Variants in HOOK2 observed in about 807,000 individuals in gnomAD.
HOOK2 encodes hook microtubule tethering protein 2, also known as protein Hook homolog 2.
HOOK2 carries 108 observed loss-of-function variants against 111.9 expected under a neutral mutation model. The observed-to-expected ratio is 0.96, with a 90% confidence interval of 0.83 to 1.13. The LOEUF (loss-of-function observed/expected upper bound fraction) is 1.13, where lower values mean the gene tolerates loss of function less well. HOOK2 is among the 50% of genes most tolerant of loss of function. The pLI, the probability that HOOK2 is intolerant of heterozygous loss-of-function variation, is 0.00. For missense variants in HOOK2, 978 were observed against 951.3 expected, an observed-to-expected ratio of 1.03 and a Z score of -0.37; for synonymous variants, 405 against 394.3, an observed-to-expected ratio of 1.03 and a Z score of -0.32.
In HOOK2 at chr19:12,768,127, AAC is replaced by A; in HGVS notation, c.1105-6_1105-5del. 1 of 1,613,100 alleles carries A rather than the reference AAC, an allele frequency of 6.2e-7. No individual in the cohort carries two copies. The highest frequency in any genetic ancestry group is 1.3e-5 in the African/African-American group (1 of 75,060). On this transcript the variant is annotated splice_region_variant and splice_polypyrimidine_tract_variant and intron_variant, in intron 11 of 22. Coordinates refer to ENST00000397668, the MANE Select transcript of HOOK2 (RefSeq NM_013312.3). ...GCTGGCCCTGCAGTTCCTGCACCTG[AAC>A]ACAGAGAGGGGAGGAATAAGGACAG...
In HOOK2 at chr19:12,791,710, C is replaced by G; in HGVS notation, n.42-17485G>C. 1 of 1,277,588 alleles carries G rather than the reference C, an allele frequency of 7.8e-7. No homozygotes were observed. Among genetic ancestry groups the G allele is most frequent in the East Asian group, 2.5e-5 (1 of 40,788 alleles). The allele number at this position is 1,277,588 out of a possible 1,614,324, so 79.1% of individuals were successfully genotyped here. ...TCACCGCAGCGGAGAGCTCGCCGCT[C>G]GCTGCAGCGAGGCCCGGAGCGGCCC... is the stretch of plus-strand genomic sequence containing the variant. On this transcript the variant is annotated intron_variant and non_coding_transcript_variant, in intron 3 of 3. Transcript: ENST00000589765. The surrounding 1 kb of genome is among the most constrained non-coding windows in gnomAD (Gnocchi z 7.0).
rs1314598260 is a variant in HOOK2, at chr19:12,771,215, G to C, written c.705C>G (p.Ala235=). 3 of 1,612,218 alleles carry C rather than the reference G, an allele frequency of 1.9e-6. No individual in the cohort carries two copies. The East Asian group carries it at 6.7e-5, about 36-fold the overall frequency. The change falls in exon 9 of 23, where the codon GCC becomes GCG. Residue 235 remains alanine (A), a synonymous_variant. Coordinates refer to ENST00000397668, the MANE Select transcript of HOOK2 (RefSeq NM_013312.3). ...PEGEGTPGLT[A]KKLLLLQSQL... Reference sequence around the variant, plus strand: ...GGGATTGCAGCAGCAGCAGCTTCTTGGCAGTGAGACCTGGGGTACCCTCGC... The same window carrying C: ...GGGATTGCAGCAGCAGCAGCTTCTTCGCAGTGAGACCTGGGGTACCCTCGC...
chr19:12,772,337 C>T, intron 6 of HOOK2, 85 bp from the exon 7 acceptor site: 1 of 1,445,584 alleles, frequency 6.9e-7, no homozygotes, highest in Non-Finnish European at 9.7e-7. Flanking sequence ...GAGAACCTCT[C>T]CATCCTCCCG....
At chr19:12,775,342 G>A in intron 1 of HOOK2, 63 bp downstream of exon 1, 3 of 1,583,746 alleles carry the variant, frequency 1.9e-6, no homozygotes, top group Middle Eastern at 1.7e-4. Flanking sequence ...CCGAACCAGG[G>A]CCAGGGATCC....
Position 12,763,225 on chromosome 19 carries a change from G to A in HOOK2, c.*57C>T. Reference sequence around the variant, plus strand: ...GCTGAAGCCCAGTGCTGGGCGCCATGTGAGCTGGAGGAAGCCAGGGTGGGT... The same window carrying A: ...GCTGAAGCCCAGTGCTGGGCGCCATATGAGCTGGAGGAAGCCAGGGTGGGT... On this transcript the variant is annotated 3_prime_UTR_variant, in exon 23 of 23. Coordinates refer to ENST00000397668, the MANE Select transcript of HOOK2 (RefSeq NM_013312.3). 1 of 1,577,260 alleles carries A rather than the reference G, an allele frequency of 6.3e-7. No homozygotes were observed. The highest frequency in any genetic ancestry group is 2.3e-5 in the East Asian group (1 of 44,212).
rs1240956532 is a variant in HOOK2 at position 12,791,328 on chromosome 19, A to G, written n.42-17103T>C. On this transcript the variant is annotated intron_variant and non_coding_transcript_variant, in intron 3 of 3. Coordinates refer to the HOOK2 transcript ENST00000589765. This position sits in a 1 kb window ranked among gnomAD's most constrained non-coding sequence, Gnocchi z 7.0. ...ACCCGGCCCGTGGCCGCTGTTTACA[A>G]GGACACGCGCTTCCTGACAGTGACG... is the stretch of plus-strand genomic sequence containing the variant. 6.6e-6 allele frequency among the ~76,000 whole-genome samples: 1 copy of G among 152,164 alleles called. No homozygotes were observed. Among genetic ancestry groups the G allele is most frequent in the Non-Finnish European group, 1.5e-5 (1 of 68,018 alleles).
rs1434530418 is a variant in HOOK2 at position 12,790,313 on chromosome 19, T to A, written n.42-16088A>T. Among the ~76,000 whole-genome samples, 3 of 152,086 alleles carry A rather than the reference T, an allele frequency of 2.0e-5. No individual in the cohort carries two copies. Among genetic ancestry groups the A allele is most frequent in the Non-Finnish European group, 4.4e-5 (3 of 67,998 alleles). Reference sequence around the variant, plus strand: ...GTGACGGAGACAGGGCCGGGCTCCTTCCCCCGGGGCTGTTGCCACACTTCC... The same window carrying A: ...GTGACGGAGACAGGGCCGGGCTCCTACCCCCGGGGCTGTTGCCACACTTCC... On this transcript the variant is annotated intron_variant and non_coding_transcript_variant, in intron 3 of 3. Transcript: ENST00000589765. This position sits in a 1 kb window ranked among gnomAD's most constrained non-coding sequence, Gnocchi z 7.2.
At chr19:12,785,423 TACAC>T (rs1332655772) in intron 3 of HOOK2, among the ~76,000 whole-genome samples, 8 of 150,186 alleles carry the variant, frequency 5.3e-5, no homozygotes. Flanking sequence ...AGACCTCTTT[TACAC>T]ACACACAAAC....
rs1968710961 is a variant in HOOK2, at chr19:12,791,388, G to C, written n.42-17163C>G. 5.8e-6 allele frequency: 1 copy of C among 172,052 alleles called. No homozygotes were observed. Among genetic ancestry groups the C allele is most frequent in the Non-Finnish European group, 1.2e-5 (1 of 81,476 alleles). 10.7% of individuals were successfully genotyped at this position (172,052 alleles called of 1,614,324 possible). ...TCCTCCCCTTCCCCACGCTCGAGGA[G>C]GGGGGCGCGGGGGCCCGGCTCCGGC... On this transcript the variant is annotated intron_variant and non_coding_transcript_variant, in intron 3 of 3. Coordinates refer to the HOOK2 transcript ENST00000589765. This position sits in a 1 kb window ranked among gnomAD's most constrained non-coding sequence, Gnocchi z 7.0.
Position 12,769,905 on chromosome 19 carries a change from G to C in HOOK2, c.1080C>G (p.Ala360=). Residue 360 remains alanine, a synonymous_variant, in exon 11 of 23, where the codon GCC becomes GCG. Coordinates refer to ENST00000397668, the MANE Select transcript of HOOK2 (RefSeq NM_013312.3). Reference sequence around the variant, plus strand: ...CCTGCCGCCGCTGCGCCTCCAGCTGGGCGCGCAGGGAGCCCGCTCGGCGTA... The same window carrying C: ...CCTGCCGCCGCTGCGCCTCCAGCTGCGCGCGCAGGGAGCCCGCTCGGCGTA... The part of the protein sequence containing the change: ...DELRRAGSLR[A]QLEAQRRQVQ... The C allele has an allele frequency of 6.6e-7, 1 of 1,510,468 alleles. No individual in the cohort carries two copies. Among genetic ancestry groups the C allele is most frequent in the South Asian group, 1.2e-5 (1 of 80,686 alleles). 93.6% of individuals were successfully genotyped at this position (1,510,468 alleles called of 1,614,324 possible).
At chr19:12,764,651 C>A in intron 20 of HOOK2, 163 bp downstream of exon 20, 1 of 668,030 alleles carries the variant, frequency 1.5e-6, no homozygotes, top group African/African-American at 1.8e-5. Context: ...TTTAATGTGA[C>A]AATCAGTAGC....
In HOOK2 at chr19:12,791,015, C is replaced by T. The variant is rs1192155585; in HGVS notation, n.42-16790G>A. Among the ~76,000 whole-genome samples, 1 of 152,204 alleles carries T rather than the reference C, an allele frequency of 6.6e-6. No homozygotes were observed. Among genetic ancestry groups the T allele is most frequent in the Non-Finnish European group, 1.5e-5 (1 of 68,040 alleles). ...TCCTGGGTCAGGTGTCTCCTTAACC[C>T]TCCCGATTTACAGTGCTTAACCCTC... On this transcript the variant is annotated intron_variant and non_coding_transcript_variant, in intron 3 of 3. Transcript: ENST00000589765. The surrounding 1 kb of genome is among the most constrained non-coding windows in gnomAD (Gnocchi z 7.0).
intron 3 of HOOK2, chr19:12,792,293 C>G: frequency 1.3e-6 from 2 of 1,496,798 alleles, no homozygotes; most frequent in Non-Finnish European, 1.8e-6. Flanking sequence ...GCGTCTACGC[C>G]GGCCCGGAGC....
At chr19:12,767,359 T>C in intron 14 of HOOK2, 36 bp downstream of exon 14, 2 of 1,588,878 alleles carry the variant, frequency 1.3e-6, no homozygotes, top group South Asian at 2.2e-5. Flanking sequence ...TTGGCAAGCC[T>C]GGGTGGGGCC....
chr19:12,775,433 G>A lies in HOOK2; in HGVS notation c.17C>T (p.Ala6Val). MSVDK[A>V]ELCGSLLTWL... ...GGTGAGCAGAGACCCGCATAGCTCA[G>A]CTTTGTCCACGCTCATGGCTCCCGA... The change falls in exon 1 of 23, where the codon GCT becomes GTT. Residue 6 changes from alanine (A) to valine (V), a missense_variant. Physicochemically the swap from Ala to Val is moderately conservative, Grantham distance 64. This residue lies in a region of HOOK2 where 301 missense variants were observed against 286.1 expected (regional missense o/e 1.05). Coordinates refer to ENST00000397668, the MANE Select transcript of HOOK2 (RefSeq NM_013312.3). 1 of 1,612,786 alleles carries A rather than the reference G, an allele frequency of 6.2e-7. No individual in the cohort carries two copies. The highest frequency in any genetic ancestry group is 1.1e-5 in the South Asian group (1 of 90,940).
rs547595747 is a variant in HOOK2, at chr19:12,791,763, G to A, written n.42-17538C>T. 6.3e-6 allele frequency: 10 copies of A among 1,592,158 alleles called. No individual in the cohort carries two copies. The highest frequency in any genetic ancestry group is 6.9e-6 in the Non-Finnish European group (8 of 1,166,184). On this transcript the variant is annotated intron_variant and non_coding_transcript_variant, in intron 3 of 3. Transcript: ENST00000589765. The surrounding 1 kb of genome is among the most constrained non-coding windows in gnomAD (Gnocchi z 7.0). ...CAGGGACCCTCCCCAGACCGCCTGG[G>A]CCGCCCGGATGTGCACTAAAATGGA...
At chr19:12,780,607 C>T (rs367855073), upstream of HOOK2, among the ~76,000 whole-genome samples, 12 of 143,410 alleles carry the variant, frequency 8.4e-5, no homozygotes, top group Middle Eastern at 3.4e-3. Context: ...CCGCCCACCT[C>T]GGCCTCCCAA....
At position 12,792,158 on chromosome 19, in the gene HOOK2, C is replaced by T. The variant is rs766953956; in HGVS notation, n.42-17933G>A. 3.1e-6 allele frequency: 5 copies of T among 1,594,838 alleles called. No individual in the cohort carries two copies. In the South Asian group the frequency reaches 5.6e-5, roughly 18 times the overall value. On this transcript the variant is annotated intron_variant and non_coding_transcript_variant, in intron 3 of 3. Coordinates refer to the HOOK2 transcript ENST00000589765. ...CAGGGGGCGCAGGGGGCGGCGTCAC[C>T]GAGGAGCAGGAGGGCTTCGCCGACG...
At position 12,763,371 on chromosome 19, in the gene HOOK2, G is replaced by A; in HGVS notation, c.2071C>T (p.Leu691=). Residue 691 remains leucine (L), a synonymous_variant, in exon 23 of 23, where the codon CTG becomes TTG. Coordinates refer to ENST00000397668, the MANE Select transcript of HOOK2 (RefSeq NM_013312.3). ...TTGGTTGCCAGCCGCTGCTGTGCCA[G>A]GAATGACTGGGCATGGGCAGGCGCC... ...ERAPAHAQSF[L]AQQRLATNSR... 1.2e-6 allele frequency: 2 copies of A among 1,614,194 alleles called. No homozygotes were observed. The highest frequency in any genetic ancestry group is 8.5e-7 in the Non-Finnish European group (1 of 1,180,042).
Sources: gnomAD v4.1 joint callset for allele counts (sites outside exome capture counted in the v4.1 genomes callset) on GRCh38, gnomAD v4.1.1 for gene constraint, gnomAD v4.1.1 regional missense constraint, Gnocchi (gnomAD v3.1) non-coding constraint, MANE v1.5 for transcripts, NCBI Gene and HGNC (gene_info 2026-07-23, HGNC 2026-07-21) for gene names.